Variants in CACNA2D1 observed in about 807,000 individuals in gnomAD.
CACNA2D1 encodes the protein calcium voltage-gated channel auxiliary subunit alpha2delta 1.
CACNA2D1 carries 53 observed loss-of-function variants against 171.5 expected under a neutral mutation model. The observed-to-expected ratio is 0.31, with a 90% CI of 0.25 to 0.39. CACNA2D1 has a LOEUF of 0.39. CACNA2D1 is among the 10% of genes least tolerant of loss of function. CACNA2D1 has a pLI of 1.00. For synonymous variants in CACNA2D1, 442 were observed against 443.1 expected, an observed-to-expected ratio of 1.00 and a Z score of 0.03; for missense variants, 903 against 1,299.8, an observed-to-expected ratio of 0.69 and a Z score of 4.69.
At chr7:81,970,602 A>C (rs1284090991) in intron 27 of CACNA2D1, 73 bp downstream of exon 27, 2 of 823,318 alleles carry the variant, frequency 2.4e-6, no homozygotes, top group African/African-American at 3.4e-5. Context: ...TGGCTTCCTT[A>C]AGCAGTAATG....
At chr7:82,165,487 A>T (rs1795353871) in intron 4 of CACNA2D1, among the ~76,000 whole-genome samples, 1 of 152,158 alleles carries the variant, frequency 6.6e-6, no homozygotes, top group East Asian at 1.9e-4. Context: ...TTTTCAATAT[A>T]AAAAACAAAA....
chr7:82,426,832 GCT>G (rs925867257), intron 1 of CACNA2D1, among the ~76,000 whole-genome samples: 1 of 151,986 alleles, frequency 6.6e-6, no homozygotes, highest in African/African-American at 2.4e-5. Flanking sequence ...TCAAGGTTTT[GCT>G]CTCTCTCTTT....
intron 1 of CACNA2D1, among the ~76,000 whole-genome samples, chr7:82,429,455 A>G (rs945099988): frequency 1.3e-5 from 2 of 152,166 alleles, no homozygotes; most frequent in South Asian, 2.1e-4. Flanking sequence ...CTCCCTGTGC[A>G]TATTACAAGA....
intron 3 of CACNA2D1, among the ~76,000 whole-genome samples, chr7:82,250,615 T>A (rs1353425780): frequency 1.3e-5 from 2 of 152,208 alleles, no homozygotes; most frequent in Admixed American, 6.5e-5. Context: ...AATAATTTTA[T>A]GTGTTAGCTC....
intron 1 of CACNA2D1, among the ~76,000 whole-genome samples, chr7:82,370,389 C>G (rs1307880473): frequency 6.6e-6 from 1 of 151,824 alleles, no homozygotes; most frequent in Non-Finnish European, 1.5e-5. Context: ...ATACAGAGAA[C>G]TAGAAATTAT....
At chr7:82,396,939 T>C (rs1453310766) in intron 1 of CACNA2D1, among the ~76,000 whole-genome samples, 1 of 152,198 alleles carries the variant, frequency 6.6e-6, no homozygotes, top group South Asian at 2.1e-4. Flanking sequence ...GAGATTAAAG[T>C]CCAGTCACAT....
chr7:82,428,039 A>AT, intron 1 of CACNA2D1, among the ~76,000 whole-genome samples: 1 of 152,020 alleles, frequency 6.6e-6, no homozygotes, highest in African/African-American at 2.4e-5. Flanking sequence ...TCTCCAAAAT[A>AT]TTTTTTTAAA....
chr7:81,956,161 A>G (rs966743694), intron 38 of CACNA2D1, among the ~76,000 whole-genome samples: 2 of 151,136 alleles, frequency 1.3e-5, no homozygotes, highest in African/African-American at 4.9e-5. Context: ...TTTAGTAGAG[A>G]TGGGGTTTCA....
chr7:81,986,596 A>C (rs1797000699), intron 21 of CACNA2D1, among the ~76,000 whole-genome samples: 1 of 152,160 alleles, frequency 6.6e-6, no homozygotes, highest in South Asian at 2.1e-4. Flanking sequence ...TATTTGCTAA[A>C]ATTTAATTAT....
intron 1 of CACNA2D1, among the ~76,000 whole-genome samples, chr7:82,440,257 C>T (rs6952580): frequency 0.63 from 95,824 of 151,684 alleles, 31,628 homozygotes; most frequent in African/African-American, 0.82. Flanking sequence ...TTGATATTAA[C>T]AGTTATAACT....
chr7:82,272,854 A>G (rs1036993495), intron 3 of CACNA2D1, among the ~76,000 whole-genome samples: 5 of 152,280 alleles, frequency 3.3e-5, no homozygotes, highest in African/African-American at 9.6e-5. Flanking sequence ...GTAAGCCATC[A>G]GAGAAGCACC....
At chr7:82,309,736 G>A (rs972109933) in intron 3 of CACNA2D1, among the ~76,000 whole-genome samples, 9 of 152,132 alleles carry the variant, frequency 5.9e-5, no homozygotes, top group Non-Finnish European at 8.8e-5. Context: ...TCCATGGCAC[G>A]TGGCCCACCA....
chr7:81,970,540 C>A, intron 27 of CACNA2D1, 135 bp downstream of exon 27: 1 of 690,058 alleles, frequency 1.4e-6, no homozygotes, highest in Non-Finnish European at 2.7e-6. Flanking sequence ...AATGTAAATA[C>A]TGTAAACAAT....
At chr7:82,443,846 G>T, upstream of CACNA2D1, 1 of 525,442 alleles carries the variant, frequency 1.9e-6, no homozygotes, top group Non-Finnish European at 2.9e-6. Flanking sequence ...GGGGGCGGGG[G>T]CGGAGGAGGG....
chr7:82,284,176 AAG>A (rs1810477509), intron 3 of CACNA2D1, among the ~76,000 whole-genome samples: 1 of 151,374 alleles, frequency 6.6e-6, no homozygotes, highest in Admixed American at 6.6e-5. Context: ...TGGGCAACAT[AAG>A]AGCCTTCTCC....
intron 1 of CACNA2D1, among the ~76,000 whole-genome samples, chr7:82,374,410 A>G (rs1822773377): frequency 6.6e-6 from 1 of 152,162 alleles, no homozygotes; most frequent in African/African-American, 2.4e-5. Flanking sequence ...AGGTTGACTT[A>G]ATTGCCTGAG....
At chr7:82,099,819 T>C (rs1001881456) in intron 6 of CACNA2D1, among the ~76,000 whole-genome samples, 4 of 152,138 alleles carry the variant, frequency 2.6e-5, no homozygotes, top group African/African-American at 9.7e-5. Context: ...TATTATTCTG[T>C]TCTCTATGTA....
intron 4 of CACNA2D1, among the ~76,000 whole-genome samples, chr7:82,144,688 A>T (rs1451118891): frequency 6.6e-6 from 1 of 152,056 alleles, no homozygotes; most frequent in Non-Finnish European, 1.5e-5. Context: ...AAAATCACCT[A>T]CTGCCAACTT....
intron 3 of CACNA2D1, among the ~76,000 whole-genome samples, chr7:82,265,183 A>G (rs1807664979): frequency 6.6e-6 from 1 of 152,162 alleles, no homozygotes; most frequent in Non-Finnish European, 1.5e-5. Context: ...TGGCTGAATG[A>G]TCTCTTCCCA....
Sources: allele counts gnomAD v4.1 joint callset (sites outside exome capture counted in the v4.1 genomes callset), GRCh38; gene constraint gnomAD v4.1.1; transcripts MANE v1.5; gene names NCBI Gene and HGNC (gene_info 2026-07-23, HGNC 2026-07-21).